ANO10: variants seen among roughly 807,000 people sequenced by gnomAD.
The protein encoded by ANO10 is anoctamin-10.
In ANO10, 77 loss-of-function variants were observed where a neutral mutation model predicts 74.7. The ratio of observed to expected loss-of-function variants is 1.03; its 90% CI spans 0.86 to 1.25. ANO10 has a LOEUF of 1.25. Ranked by LOEUF, ANO10 falls within the 50% of genes most tolerant of loss-of-function variation. The pLI, the probability that ANO10 is intolerant of heterozygous loss-of-function variation, is 0.00. For synonymous variants in ANO10, 279 were observed against 284.9 expected (o/e 0.98, Z 0.21); for missense variants, 721 against 778.1 (o/e 0.93, Z 0.87).
intron 11 of ANO10, among the ~76,000 whole-genome samples, chr3:43,502,354 G>A (rs115947412): frequency 0.011 from 1,684 of 152,284 alleles, 29 homozygotes; most frequent in African/African-American, 0.038. Flanking sequence ...CCTCATGAAA[G>A]GTTTGGTGCC....
At chr3:43,676,304 G>T (rs868451164) in intron 1 of ANO10, among the ~76,000 whole-genome samples, 23 of 147,226 alleles carry the variant, frequency 1.6e-4, no homozygotes, top group African/African-American at 4.2e-4. Flanking sequence ...ACAAAAAAAA[G>T]AAAAAAAAAA....
intron 12 of ANO10, among the ~76,000 whole-genome samples, chr3:43,427,138 GA>G (rs538627349): frequency 1.1e-4 from 16 of 151,034 alleles, no homozygotes; most frequent in East Asian, 5.8e-4. Flanking sequence ...TTCATTTTAT[GA>G]AAAAAAAATA....
Position 43,597,153 on chromosome 3 carries a change from T to C in ANO10, c.472+1379A>G, listed in dbSNP as rs568054717. On this transcript the variant is annotated intron_variant, in intron 4 of 12. Transcript: ENST00000292246. ...GGATGTGGAGAAATAGGAACACTTT[T>C]ACACTGTTGGTGGGACGGTAAACTA... Among the ~76,000 whole-genome samples, 19 of 152,336 alleles carry C rather than the reference T, an allele frequency of 1.2e-4. No individual in the cohort carries two copies. The South Asian group carries it at 3.9e-3, about 32-fold the overall frequency.
chr3:43,563,125 A>G (rs1175237925), intron 8 of ANO10, among the ~76,000 whole-genome samples: 1 of 152,216 alleles, frequency 6.6e-6, no homozygotes, highest in Non-Finnish European at 1.5e-5. Flanking sequence ...ACAATACCAA[A>G]AATACAAATA....
At chr3:43,684,834 A>G (rs1405925416) in intron 1 of ANO10, among the ~76,000 whole-genome samples, 1 of 152,184 alleles carries the variant, frequency 6.6e-6, no homozygotes, top group Non-Finnish European at 1.5e-5. Flanking sequence ...TGCAAGGACA[A>G]AAAACCAAAC....
At chr3:43,663,423 C>A (rs1033821009) in intron 1 of ANO10, among the ~76,000 whole-genome samples, 4 of 152,196 alleles carry the variant, frequency 2.6e-5, no homozygotes, top group Non-Finnish European at 5.9e-5. Flanking sequence ...GACAAACCCA[C>A]AGCCAATATC....
Position 43,504,137 on chromosome 3 carries a change from G to A in ANO10, c.1797+45583C>T, listed in dbSNP as rs115561059. ...TGCAAAAATTAGCCGGCACGGTGGC[G>A]GACACCTGTAATCCCAGCTACTCGG... On this transcript the variant is annotated intron_variant, in intron 11 of 12. Transcript: ENST00000292246. Among the ~76,000 whole-genome samples the A allele has an allele frequency of 6.5e-3, 994 of 151,992 alleles. 8 individuals are homozygous for A. Among genetic ancestry groups the A allele is most frequent in the African/African-American group, 0.023 (949 of 41,458 alleles).
intron 1 of ANO10, among the ~76,000 whole-genome samples, chr3:43,678,264 C>A (rs972592356): frequency 6.6e-6 from 1 of 152,130 alleles, no homozygotes; most frequent in Admixed American, 6.5e-5. Context: ...TATGGGCATT[C>A]GAACGGTTTC....
rs112124580 is a variant in ANO10, at chr3:43,549,819, A to G, written c.1698T>C (p.Ser566=). ...CAATCAGCGCACAGTTAGTGACCAC[A>G]GATATAACACTCATCGTTTCAAAAG... ...QLAFETMSVI[S]VVTNCALIGM... is the part of the protein sequence containing the mutation. Residue 566 remains serine (S), a synonymous_variant, in exon 11 of 13, where the codon TCT becomes TCC. Coordinates refer to ENST00000292246, the MANE Select transcript of ANO10 (RefSeq NM_018075.5). 2 of 1,614,088 alleles carry G rather than the reference A, an allele frequency of 1.2e-6. No individual in the cohort carries two copies. The highest frequency in any genetic ancestry group is 1.7e-6 in the Non-Finnish European group (2 of 1,179,922).
intron 11 of ANO10, among the ~76,000 whole-genome samples, chr3:43,486,136 A>AT (rs978246652): frequency 3.3e-5 from 5 of 152,058 alleles, no homozygotes; most frequent in African/African-American, 1.2e-4. Context: ...TCTGGGAGAG[A>AT]TTGAGTCTGA....
Position 43,549,772 on chromosome 3 carries a change from G to GCAT in ANO10, c.1742_1744dup (p.Asn581_Ala582insAsp). On this transcript the variant is annotated inframe_insertion, in exon 11 of 13. Coordinates refer to ENST00000292246, the MANE Select transcript of ANO10 (RefSeq NM_018075.5). ...GTCTGCTTTTGATTCTGGAAAGACT[G>GCAT]CATTCACTTGTGGTGACATTCCAAT... is the stretch of plus-strand genomic sequence containing the variant. 1 of 1,613,870 alleles carries GCAT rather than the reference G, an allele frequency of 6.2e-7. No homozygotes were observed. The highest frequency in any genetic ancestry group is 1.7e-5 in the Admixed American group (1 of 60,010).
chr3:43,427,350 C>T (rs1419809467), intron 12 of ANO10, among the ~76,000 whole-genome samples: 9 of 152,066 alleles, frequency 5.9e-5, no homozygotes, highest in South Asian at 2.1e-4. Flanking sequence ...GCGCCACCTT[C>T]GATTTAGGGA....
chr3:43,591,922 C>G (rs563043063), intron 4 of ANO10, among the ~76,000 whole-genome samples: 39 of 152,360 alleles, frequency 2.6e-4, no homozygotes, highest in African/African-American at 9.1e-4. Flanking sequence ...TTCCAATGGT[C>G]TTAGCAAACG....
At chr3:43,674,213 C>T (rs950747707) in intron 1 of ANO10, among the ~76,000 whole-genome samples, 9 of 152,206 alleles carry the variant, frequency 5.9e-5, no homozygotes, top group African/African-American at 1.9e-4. Flanking sequence ...AATCATAGCT[C>T]ACTGTAATGT....
intron 4 of ANO10, among the ~76,000 whole-genome samples, chr3:43,591,183 C>T (rs2081731995): frequency 1.3e-5 from 2 of 152,182 alleles, no homozygotes; most frequent in South Asian, 4.1e-4. Context: ...TGAGCTTTTG[C>T]TCACCATCCA....
intron 11 of ANO10, among the ~76,000 whole-genome samples, chr3:43,536,946 C>A: frequency 7.4e-6 from 1 of 135,850 alleles, no homozygotes. Context: ...TAAATGCACC[C>A]AGCTGTGAAA....
chr3:43,556,867 TAG>T (rs1262624260), intron 9 of ANO10, among the ~76,000 whole-genome samples: 6 of 152,042 alleles, frequency 3.9e-5, no homozygotes, highest in Non-Finnish European at 5.9e-5. Context: ...GTAAGCCTAG[TAG>T]ATAATAAAAA....
chr3:43,425,394 T>C (rs1395149207), intron 12 of ANO10, among the ~76,000 whole-genome samples: 3 of 151,770 alleles, frequency 2.0e-5, no homozygotes, highest in Non-Finnish European at 2.9e-5. Context: ...TCTTACGAAA[T>C]GTTGAAAAAA....
chr3:43,478,418 A>C (rs777475176), intron 11 of ANO10, among the ~76,000 whole-genome samples: 1 of 152,224 alleles, frequency 6.6e-6, no homozygotes, highest in Non-Finnish European at 1.5e-5. Context: ...TTTATAGATT[A>C]AGAAATTAAG....
Sources: gnomAD v4.1 joint callset for allele counts (sites outside exome capture counted in the v4.1 genomes callset) on GRCh38, gnomAD v4.1.1 for gene constraint, MANE v1.5 for transcripts, NCBI Gene and HGNC (gene_info 2026-07-23, HGNC 2026-07-21) for gene names.